The following REEP5 variants were observed in gnomAD, a reference collection of about 807,000 sequenced individuals.
REEP5 encodes receptor accessory protein 5.
Under a neutral mutation model 22.4 loss-of-function variants are expected in REEP5, and 24 were observed. The ratio of observed to expected loss-of-function variants is 1.07; its 90% CI spans 0.78 to 1.51. The LOEUF (loss-of-function observed/expected upper bound fraction) is 1.51. Among genes scored for constraint, REEP5 ranks in the 40% most tolerant of loss-of-function variants. The pLI is 0.00. For synonymous variants in REEP5, 103 were observed against 88.6 expected (o/e 1.16, Z -0.92); for missense variants, 252 against 233.0 (o/e 1.08, Z -0.53).
intron 2 of REEP5, among the ~76,000 whole-genome samples, chr5:112,914,799 T>C (rs1035427838): frequency 6.6e-6 from 1 of 152,104 alleles, no homozygotes; most frequent in Non-Finnish European, 1.5e-5. Flanking sequence ...GGCTGCAGGA[T>C]ATATATAGTA....
intron 2 of REEP5, among the ~76,000 whole-genome samples, chr5:112,915,095 A>T (rs892744751): frequency 6.6e-6 from 1 of 152,216 alleles, no homozygotes; most frequent in Non-Finnish European, 1.5e-5. Flanking sequence ...TAAGTTGAAA[A>T]CTGAGTCCTC....
chr5:112,882,607 A>G (rs553525567), intron 4 of REEP5, among the ~76,000 whole-genome samples: 1 of 152,332 alleles, frequency 6.6e-6, no homozygotes, highest in Non-Finnish European at 1.5e-5. Context: ...ACTGCCTGAC[A>G]GTCCATTTAC....
chr5:112,891,874 G>A lies in REEP5; in HGVS notation c.352-4691C>T, dbSNP rs531618958. 96 of 1,452,596 alleles carry A rather than the reference G, an allele frequency of 6.6e-5. No homozygotes were observed. In the East Asian group the frequency reaches 2.1e-3, roughly 31 times the overall value. 90.0% of individuals were successfully genotyped at this position (1,452,596 alleles called of 1,614,324 possible). A position where few individuals can be genotyped will look rare whatever the true frequency, so the allele number is the denominator to read the frequency against. ...AAGAGAGAGGGAAAGATTACATGAG[G>A]AGTGGTTGCTGAGGGAGCAGAAGGC... On this transcript the variant is annotated intron_variant, in intron 3 of 4. Transcript: ENST00000379638.
chr5:112,884,888 T>G (rs1042655356), intron 4 of REEP5, among the ~76,000 whole-genome samples: 7 of 152,132 alleles, frequency 4.6e-5, no homozygotes, highest in Non-Finnish European at 1.0e-4. Flanking sequence ...GTAAGCTTCA[T>G]GAATTCAAGG....
At chr5:112,920,681 G>A (rs1472382902) in intron 2 of REEP5, among the ~76,000 whole-genome samples, 1 of 151,988 alleles carries the variant, frequency 6.6e-6, no homozygotes, top group African/African-American at 2.4e-5. Flanking sequence ...TGTAACATGT[G>A]GCTTTTTCAA....
intron 2 of REEP5, among the ~76,000 whole-genome samples, chr5:112,906,448 A>G (rs557232863): frequency 6.6e-6 from 1 of 152,320 alleles, no homozygotes; most frequent in Admixed American, 6.5e-5. Flanking sequence ...ATTACTATAC[A>G]TACAATAGGA....
intron 2 of REEP5, among the ~76,000 whole-genome samples, chr5:112,916,185 T>C (rs1170641915): frequency 2.0e-5 from 3 of 152,266 alleles, no homozygotes; most frequent in Non-Finnish European, 2.9e-5. Context: ...GAGCATCATT[T>C]AGCTAAGAGG....
At chr5:112,893,420 A>T (rs779936986) in intron 3 of REEP5, 37 of 176,796 alleles carry the variant, frequency 2.1e-4, no homozygotes, top group Non-Finnish European at 3.7e-4. Context: ...AAAAAATAGA[A>T]TTTTTGGACT....
intron 3 of REEP5, chr5:112,893,736 T>C (rs145730803): frequency 6.6e-6 from 1 of 152,300 alleles, no homozygotes; most frequent in Non-Finnish European, 1.5e-5. Flanking sequence ...ATCAGCCTTC[T>C]GCACACACAC....
chr5:112,878,543 AC>A lies in REEP5; in HGVS notation c.*242del, dbSNP rs1404849465. Reference sequence around the variant, plus strand: ...AGGATAGCAACATACATCTTTTCCTACCCAGAGGCAAAATACATTTTCCAAA... The same window carrying A: ...AGGATAGCAACATACATCTTTTCCTACCAGAGGCAAAATACATTTTCCAAA... On this transcript the variant is annotated 3_prime_UTR_variant, in exon 5 of 5. Coordinates refer to ENST00000379638, the MANE Select transcript of REEP5 (RefSeq NM_005669.5). The A allele has an allele frequency of 2.0e-6, 1 of 504,360 alleles. No individual in the cohort carries two copies. Among genetic ancestry groups the A allele is most frequent in the African/African-American group, 1.9e-5 (1 of 51,398 alleles). The allele number at this position is 504,360 out of a possible 1,614,324, so 31.2% of individuals were successfully genotyped here.
In REEP5 at chr5:112,878,576, G is replaced by A; in HGVS notation, c.*210C>T. The A allele has an allele frequency of 1.6e-6, 1 of 608,334 alleles. No individual in the cohort carries two copies. Among genetic ancestry groups the A allele is most frequent in the Non-Finnish European group, 2.7e-6 (1 of 376,704 alleles). 37.7% of individuals were successfully genotyped at this position (608,334 alleles called of 1,614,324 possible). On this transcript the variant is annotated 3_prime_UTR_variant, in exon 5 of 5. Transcript: ENST00000379638. ...GCAAAATACATTTTCCAAAAACGTG[G>A]ACACTGCCCACTGCATTAAGTTTAA...
At chr5:112,889,085 T>C (rs1030419626) in intron 3 of REEP5, among the ~76,000 whole-genome samples, 2 of 150,910 alleles carry the variant, frequency 1.3e-5, no homozygotes, top group Non-Finnish European at 2.9e-5. Flanking sequence ...TCTTCCACCA[T>C]GATTGTGAGG....
chr5:112,891,977 A>G, intron 3 of REEP5: 1 of 1,240,682 alleles, frequency 8.1e-7, no homozygotes, highest in Non-Finnish European at 1.2e-6. Context: ...AGAAAGTTAA[A>G]GGAACAATGG....
chr5:112,888,520 T>G (rs1768331549), intron 3 of REEP5, among the ~76,000 whole-genome samples: 1 of 152,184 alleles, frequency 6.6e-6, no homozygotes, highest in Admixed American at 6.5e-5. Context: ...ACTCCTGGGT[T>G]CAAACAATCT....
At chr5:112,916,920 T>TA (rs1769244321) in intron 2 of REEP5, among the ~76,000 whole-genome samples, 1 of 152,188 alleles carries the variant, frequency 6.6e-6, no homozygotes, top group South Asian at 2.1e-4. Context: ...GCAAAGCACT[T>TA]AGACAGAGAT....
At chr5:112,884,278 T>G in intron 4 of REEP5, among the ~76,000 whole-genome samples, 1 of 152,118 alleles carries the variant, frequency 6.6e-6, no homozygotes, top group Non-Finnish European at 1.5e-5. Context: ...CCTCATCTCC[T>G]CCTGCACCCC....
At chr5:112,904,949 A>G (rs1197485870) in intron 2 of REEP5, among the ~76,000 whole-genome samples, 3 of 152,220 alleles carry the variant, frequency 2.0e-5, no homozygotes, top group African/African-American at 7.2e-5. Flanking sequence ...TTGAATACAT[A>G]CACTGATCAC....
intron 2 of REEP5, among the ~76,000 whole-genome samples, chr5:112,909,529 A>C (rs1167912552): frequency 6.6e-6 from 1 of 152,144 alleles, no homozygotes; most frequent in Non-Finnish European, 1.5e-5. Context: ...TGCTACAGGT[A>C]GTAAGAAGTT....
chr5:112,901,400 C>T (rs75392715), intron 3 of REEP5, among the ~76,000 whole-genome samples: 4 of 152,196 alleles, frequency 2.6e-5, no homozygotes, highest in Non-Finnish European at 5.9e-5. Flanking sequence ...TCATGGAGTA[C>T]AGTTGAAAAT....
Sources: gnomAD v4.1 joint callset for allele counts (sites outside exome capture counted in the v4.1 genomes callset) on GRCh38, gnomAD v4.1.1 for gene constraint, MANE v1.5 for transcripts, NCBI Gene and HGNC (gene_info 2026-07-23, HGNC 2026-07-21) for gene names.